CACNA2D3: variants seen among roughly 807,000 people sequenced by gnomAD.
The protein encoded by CACNA2D3 is voltage-dependent calcium channel subunit alpha-2/delta-3.
Under a neutral mutation model 160.6 loss-of-function variants are expected in CACNA2D3, and 60 were observed. The observed-to-expected ratio is 0.37, with a 90% CI of 0.30 to 0.46. The LOEUF (loss-of-function observed/expected upper bound fraction) is 0.46. Among genes scored for constraint, CACNA2D3 ranks in the 20% least tolerant of loss-of-function variants. The probability of loss-of-function intolerance (pLI) is 1.00; values close to 1 mark genes in which losing one functional copy is unlikely to be tolerated. For missense variants in CACNA2D3, 1,205 were observed against 1,365.0 expected (o/e 0.88, Z 1.85); for synonymous variants, 558 against 492.9 (o/e 1.13, Z -1.75).
Position 54,899,561 on chromosome 3 carries a change from G to C in CACNA2D3, c.2369-227G>C, listed in dbSNP as rs184328437. On this transcript the variant is annotated intron_variant, in intron 26 of 37. Coordinates refer to ENST00000474759, the MANE Select transcript of CACNA2D3 (RefSeq NM_018398.3). ...AGGCTGGATGTTCCCCAGTGCACTGGTGGTCATAACTCAACTCGCCAATTC... is the reference window on the plus strand; with the variant it reads ...AGGCTGGATGTTCCCCAGTGCACTGCTGGTCATAACTCAACTCGCCAATTC... Among the ~76,000 whole-genome samples the C allele has an allele frequency of 3.3e-5, 5 of 152,264 alleles. No homozygotes were observed. The East Asian group carries it at 9.7e-4, about 29-fold the overall frequency.
intron 11 of CACNA2D3, among the ~76,000 whole-genome samples, chr3:54,748,064 A>G (rs977435301): frequency 1.3e-5 from 2 of 152,254 alleles, no homozygotes; most frequent in African/African-American, 4.8e-5. Flanking sequence ...TCCCTGGCAC[A>G]TAGTAGTCAC....
intron 17 of CACNA2D3, among the ~76,000 whole-genome samples, chr3:54,863,940 C>G (rs1181656589): frequency 1.3e-5 from 2 of 152,170 alleles, no homozygotes; most frequent in South Asian, 4.1e-4. Context: ...CCCTCATGAC[C>G]CTTTTTCTCT....
At chr3:54,830,068 TG>T (rs1233819631) in intron 14 of CACNA2D3, among the ~76,000 whole-genome samples, 1 of 150,936 alleles carries the variant, frequency 6.6e-6, no homozygotes, top group Non-Finnish European at 1.5e-5. Flanking sequence ...CTCAGCCTCC[TG>T]AGTAGCTGGG....
chr3:54,547,740 A>G (rs1186700299), intron 5 of CACNA2D3, among the ~76,000 whole-genome samples: 1 of 127,372 alleles, frequency 7.9e-6, no homozygotes, highest in East Asian at 2.5e-4. Flanking sequence ...ACTGAAGTGT[A>G]GTGGCACAAG....
intron 5 of CACNA2D3, among the ~76,000 whole-genome samples, chr3:54,555,992 G>A (rs1702236089): frequency 6.6e-6 from 1 of 152,140 alleles, no homozygotes; most frequent in Admixed American, 6.5e-5. Flanking sequence ...TTCCCATAAA[G>A]AAGAAAAGAG....
chr3:54,865,863 C>G (rs62254526), intron 17 of CACNA2D3, among the ~76,000 whole-genome samples: 15 of 152,178 alleles, frequency 9.9e-5, no homozygotes, highest in African/African-American at 3.6e-4. Flanking sequence ...TACCCATTTG[C>G]TTCTTAGTGC....
intron 23 of CACNA2D3, 65 bp from the exon 24 acceptor site, chr3:54,887,894 T>A (rs1381567240): frequency 8.2e-7 from 1 of 1,213,370 alleles, no homozygotes; most frequent in Non-Finnish European, 1.2e-6. Flanking sequence ...AATGAGCCCA[T>A]GAGTGCCTCT....
chr3:54,843,385 G>T (rs1339997361), intron 16 of CACNA2D3, among the ~76,000 whole-genome samples: 1 of 152,224 alleles, frequency 6.6e-6, no homozygotes, highest in Non-Finnish European at 1.5e-5. Flanking sequence ...TAGCATGGGT[G>T]AGGATTAGCC....
chr3:54,147,184 C>T (rs570404007), intron 2 of CACNA2D3, among the ~76,000 whole-genome samples: 8 of 152,304 alleles, frequency 5.3e-5, no homozygotes, highest in African/African-American at 1.9e-4. Context: ...CTGGCTGTCA[C>T]TTGGGTGTGT....
At chr3:54,909,643 ATTTTT>A (rs759615370) in intron 27 of CACNA2D3, among the ~76,000 whole-genome samples, 4 of 123,840 alleles carry the variant, frequency 3.2e-5, no homozygotes, top group African/African-American at 8.9e-5. Flanking sequence ...TTTTTTTGTG[ATTTTT>A]TTTTTTTTTT....
intron 13 of CACNA2D3, among the ~76,000 whole-genome samples, chr3:54,804,397 G>T (rs1703066179): frequency 6.6e-6 from 1 of 152,082 alleles, no homozygotes; most frequent in Non-Finnish European, 1.5e-5. Context: ...AAAGTCAGGG[G>T]TTGCAATCCT....
chr3:54,262,941 A>G (rs565783663), intron 2 of CACNA2D3, among the ~76,000 whole-genome samples: 51 of 152,328 alleles, frequency 3.3e-4, no homozygotes, highest in Admixed American at 7.8e-4. Flanking sequence ...GCTTGCTTAT[A>G]ATTAGAACAT....
At chr3:54,416,102 C>A (rs1013014737) in intron 4 of CACNA2D3, among the ~76,000 whole-genome samples, 2 of 152,106 alleles carry the variant, frequency 1.3e-5, no homozygotes, top group African/African-American at 4.8e-5. Flanking sequence ...ATAAGGCGAA[C>A]AGTTTGTCAT....
intron 35 of CACNA2D3, among the ~76,000 whole-genome samples, chr3:55,041,217 A>G (rs1290191480): frequency 2.0e-5 from 3 of 152,200 alleles, no homozygotes; most frequent in African/African-American, 7.2e-5. Context: ...TTGTCTTATT[A>G]CACATGATCT....
intron 2 of CACNA2D3, among the ~76,000 whole-genome samples, chr3:54,162,456 G>T (rs76345472): frequency 6.6e-6 from 1 of 152,078 alleles, no homozygotes; most frequent in East Asian, 1.9e-4. Flanking sequence ...TCTCTGTCTA[G>T]GATGGTTTGG....
intron 4 of CACNA2D3, among the ~76,000 whole-genome samples, chr3:54,451,345 G>A (rs754272364): frequency 7.0e-6 from 1 of 142,022 alleles, no homozygotes; most frequent in Non-Finnish European, 1.5e-5. Context: ...TGCCTACCGG[G>A]TTCAAGAGAT....
chr3:54,148,595 A>G (rs983499238), intron 2 of CACNA2D3, among the ~76,000 whole-genome samples: 2 of 152,192 alleles, frequency 1.3e-5, no homozygotes, highest in Non-Finnish European at 2.9e-5. Context: ...GTCAGGAACC[A>G]GTGGACCACA....
At chr3:54,507,642 T>C (rs541595265) in intron 5 of CACNA2D3, among the ~76,000 whole-genome samples, 3 of 152,244 alleles carry the variant, frequency 2.0e-5, no homozygotes, top group African/African-American at 7.2e-5. Flanking sequence ...AAAGAAACTT[T>C]TTGAGAGGAG....
At chr3:54,848,057 T>A (rs1288832435) in intron 17 of CACNA2D3, among the ~76,000 whole-genome samples, 2 of 152,206 alleles carry the variant, frequency 1.3e-5, no homozygotes, top group African/African-American at 4.8e-5. Context: ...TCTTTCTCTC[T>A]GTGGCAATGG....
Sources: allele counts gnomAD v4.1 joint callset (sites outside exome capture counted in the v4.1 genomes callset), GRCh38; gene constraint gnomAD v4.1.1; transcripts MANE v1.5; gene names NCBI Gene and HGNC (gene_info 2026-07-23, HGNC 2026-07-21).